The following SHQ1 variants were observed in gnomAD, a reference collection of about 807,000 sequenced individuals.
SHQ1 encodes SHQ1, H/ACA ribonucleoprotein assembly factor.
Under a neutral mutation model 53.8 loss-of-function variants are expected in SHQ1, and 49 were observed. That is an observed-to-expected ratio of 0.91 (90% CI 0.72 to 1.16). SHQ1 has a LOEUF of 1.16. Ranked by LOEUF, SHQ1 falls within the 50% of genes most tolerant of loss-of-function variation. SHQ1 has a pLI of 0.00. For synonymous variants in SHQ1, 243 were observed against 251.0 expected, an observed-to-expected ratio of 0.97 and a Z score of 0.30; for missense variants, 738 against 683.1, an observed-to-expected ratio of 1.08 and a Z score of -0.90.
intron 9 of SHQ1, among the ~76,000 whole-genome samples, chr3:72,798,997 A>G (rs918117508): frequency 1.3e-5 from 2 of 152,074 alleles, no homozygotes; most frequent in Admixed American, 6.6e-5. Flanking sequence ...ATCAAATGTC[A>G]TATCTGTCCT....
intron 9 of SHQ1, chr3:72,794,707 G>C (rs1488056228): frequency 6.6e-6 from 1 of 152,170 alleles, no homozygotes; most frequent in East Asian, 1.9e-4. Flanking sequence ...TGTTCTCAAT[G>C]CTCTTTCTAC....
chr3:72,740,846 C>A, the SHQ1 span, among the ~76,000 whole-genome samples: 1 of 152,178 alleles, frequency 6.6e-6, no homozygotes, highest in Non-Finnish European at 1.5e-5. Context: ...TATCTTTTCT[C>A]CATTACATAG....
intron 10 of SHQ1, among the ~76,000 whole-genome samples, chr3:72,761,328 C>T (rs962585545): frequency 2.6e-5 from 4 of 152,070 alleles, no homozygotes; most frequent in East Asian, 1.9e-4. Flanking sequence ...CACACCACCA[C>T]GCCTGGCTAA....
chr3:72,845,419 G>A (rs1261680476), intron 1 of SHQ1, among the ~76,000 whole-genome samples: 2 of 151,800 alleles, frequency 1.3e-5, no homozygotes, highest in African/African-American at 4.8e-5. Context: ...GGAAGGGGAG[G>A]TTGCAGTGAG....
chr3:72,792,717 G>A (rs1261126051), intron 10 of SHQ1, among the ~76,000 whole-genome samples, 199 bp downstream of exon 10: 7 of 149,966 alleles, frequency 4.7e-5, no homozygotes, highest in Admixed American at 3.3e-4. Flanking sequence ...CTTGGGAGAC[G>A]GAGGTTGCAG....
Position 72,848,206 on chromosome 3 carries a change from G to T in SHQ1, c.135C>A (p.Tyr45Ter), listed in dbSNP as rs753143764. 8 of 1,614,074 alleles carry T rather than the reference G, an allele frequency of 5.0e-6. No homozygotes were observed. The South Asian group carries it at 8.8e-5, about 18-fold the overall frequency. Residue 45 changes from tyrosine (Y) to a stop codon, truncating the protein, a stop_gained, in exon 1 of 11, where the codon TAC (tyrosine) becomes TAA (stop). Coordinates refer to ENST00000325599, the MANE Select transcript of SHQ1 (RefSeq NM_018130.3). LOFTEE classifies it high-confidence loss of function. ...AGGCACCCCGAACTCGCCTGAGAAA[G>T]TATGGCTTGGCGTAGAACTTGAAGT... ...GSDFKFYAKPYFLRLTLPGRI... is the reference protein window; with the variant it reads ...GSDFKFYAKP
chr3:72,791,534 C>A (rs1261318881), intron 10 of SHQ1, among the ~76,000 whole-genome samples: 1 of 152,090 alleles, frequency 6.6e-6, no homozygotes, highest in Admixed American at 6.5e-5. Flanking sequence ...AAAAATAAAT[C>A]CCATATAATG....
intron 9 of SHQ1, chr3:72,795,658 A>C (rs1254123437): frequency 6.6e-6 from 1 of 152,212 alleles, no homozygotes; most frequent in South Asian, 2.1e-4. Flanking sequence ...TTAGTTTTAG[A>C]ACTACTAAAA....
chr3:72,786,877 CACT>C (rs2106774948), intron 10 of SHQ1, among the ~76,000 whole-genome samples: 1 of 152,324 alleles, frequency 6.6e-6, no homozygotes, highest in South Asian at 2.1e-4. Flanking sequence ...GAGTCTCTCT[CACT>C]ACCTCATTTT....
At chr3:72,768,564 G>C (rs1705782267) in intron 10 of SHQ1, among the ~76,000 whole-genome samples, 1 of 152,146 alleles carries the variant, frequency 6.6e-6, no homozygotes, top group Non-Finnish European at 1.5e-5. Flanking sequence ...TGCTGAGTGA[G>C]GCAAATAAGT....
At chr3:72,837,345 C>T (rs1208327370) in intron 4 of SHQ1, among the ~76,000 whole-genome samples, 1 of 151,972 alleles carries the variant, frequency 6.6e-6, no homozygotes, top group African/African-American at 2.4e-5. Flanking sequence ...ACAAACAAAT[C>T]CTGTCTAAAA....
chr3:72,729,210 C>T, the SHQ1 span, among the ~76,000 whole-genome samples: 3 of 152,188 alleles, frequency 2.0e-5, no homozygotes, highest in Admixed American at 1.3e-4. Flanking sequence ...CCCCTGGATT[C>T]GTTAGTGGCT....
At chr3:72,800,035 T>C (rs1035359707) in intron 9 of SHQ1, among the ~76,000 whole-genome samples, 9 of 152,126 alleles carry the variant, frequency 5.9e-5, no homozygotes, top group South Asian at 2.1e-4. Context: ...GGAAAGTTAA[T>C]CCCCAATGCA....
chr3:72,760,658 C>CA (rs1705588823), intron 10 of SHQ1, among the ~76,000 whole-genome samples: 2 of 152,200 alleles, frequency 1.3e-5, no homozygotes, highest in Non-Finnish European at 2.9e-5. Flanking sequence ...CAACTGCTTA[C>CA]AGGGTAGTTG....
chr3:72,748,383 C>T (rs1298835664), downstream of SHQ1, among the ~76,000 whole-genome samples: 7 of 131,626 alleles, frequency 5.3e-5, no homozygotes, highest in Admixed American at 5.8e-4. Context: ...GGACTTGTAT[C>T]CAGAATTTAT....
the SHQ1 span, among the ~76,000 whole-genome samples, chr3:72,738,072 C>T: frequency 2.9e-4 from 44 of 152,308 alleles, 1 homozygote; most frequent in South Asian, 4.3e-3. Context: ...CCCACCACAT[C>T]TCTCCACCTG....
chr3:72,776,879 G>A (rs1271382317), intron 10 of SHQ1, among the ~76,000 whole-genome samples: 1 of 151,536 alleles, frequency 6.6e-6, no homozygotes, highest in Non-Finnish European at 1.5e-5. Flanking sequence ...CAGTGGGGCT[G>A]AACAGACAAC....
intron 1 of SHQ1, among the ~76,000 whole-genome samples, chr3:72,845,737 T>C (rs1221521365): frequency 6.6e-6 from 1 of 151,952 alleles, no homozygotes; most frequent in Non-Finnish European, 1.5e-5. Flanking sequence ...CCCATGGCCC[T>C]CCCCCTTGTT....
At position 72,832,473 on chromosome 3, in the gene SHQ1, C is replaced by T. The variant is rs778346934; in HGVS notation, c.495G>A (p.Leu165=). ...SGVLQRLQDE[L]SDVIDIKDPD... ...GATCCTTAATATCAATAACATCACT[C>T]AGTTCATCCTGAGGACACCCAGAAA... The change falls in exon 5 of 11, where the codon CTG becomes CTA. Residue 165 remains leucine, a synonymous_variant. Coordinates refer to ENST00000325599, the MANE Select transcript of SHQ1 (RefSeq NM_018130.3). 6.2e-7 allele frequency: 1 copy of T among 1,606,488 alleles called. No homozygotes were observed. Among genetic ancestry groups the T allele is most frequent in the African/African-American group, 1.3e-5 (1 of 74,710 alleles).
Sources: gnomAD v4.1 joint callset for allele counts (sites outside exome capture counted in the v4.1 genomes callset) on GRCh38, gnomAD v4.1.1 for gene constraint, MANE v1.5 for transcripts, NCBI Gene and HGNC (gene_info 2026-07-23, HGNC 2026-07-21) for gene names.